TTC27: variants seen among roughly 807,000 people sequenced by gnomAD.
TTC27 encodes the protein tetratricopeptide repeat protein 27.
A neutral mutation model predicts 115.9 loss-of-function variants in TTC27; 79 were observed. The ratio of observed to expected loss-of-function variants is 0.68; its 90% CI spans 0.57 to 0.82. The LOEUF is 0.82. TTC27 is among the 40% of genes least tolerant of loss of function. TTC27 has a pLI of 0.00. For missense variants in TTC27, 1,054 were observed against 993.1 expected (o/e 1.06, Z -0.82); for synonymous variants, 401 against 356.0 (o/e 1.13, Z -1.42).
intron 8 of TTC27, among the ~76,000 whole-genome samples, chr2:32,677,935 C>A (rs1004212761): frequency 5.3e-5 from 8 of 152,090 alleles, no homozygotes; most frequent in Non-Finnish European, 2.9e-5. Flanking sequence ...TGCTGAGTGG[C>A]ACATATTGAA....
chr2:32,653,310 A>G (rs1361684089), intron 5 of TTC27, among the ~76,000 whole-genome samples: 2 of 152,124 alleles, frequency 1.3e-5, no homozygotes, highest in African/African-American at 2.4e-5. Flanking sequence ...GTGTTCAAAA[A>G]AACAGTCTCC....
At chr2:32,640,516 A>G (rs1664602698) in intron 4 of TTC27, 106 bp downstream of exon 4, 3 of 1,204,992 alleles carry the variant, frequency 2.5e-6, no homozygotes, top group Non-Finnish European at 3.5e-6. Flanking sequence ...TTTGTTTTCT[A>G]AGTCTTCTAG....
chr2:32,763,307 C>T (rs1284816890), intron 13 of TTC27, among the ~76,000 whole-genome samples: 4 of 152,112 alleles, frequency 2.6e-5, no homozygotes, highest in African/African-American at 7.2e-5. Context: ...GGAGGGAGAA[C>T]GCCTATATGC....
chr2:32,669,772 G>T (rs1417458119), intron 7 of TTC27, among the ~76,000 whole-genome samples: 1 of 151,148 alleles, frequency 6.6e-6, no homozygotes, highest in African/African-American at 2.4e-5. Flanking sequence ...TGTAATTCCA[G>T]CTACTTGGGA....
chr2:32,705,324 A>G (rs1383274855), intron 10 of TTC27, among the ~76,000 whole-genome samples: 1 of 152,190 alleles, frequency 6.6e-6, no homozygotes, highest in East Asian at 1.9e-4. Context: ...CCATGAGCCA[A>G]ATAAACATCT....
At chr2:32,672,245 T>C (rs777814849) in intron 7 of TTC27, 27 bp from the exon 8 acceptor site, 1 of 1,554,524 alleles carries the variant, frequency 6.4e-7, no homozygotes, top group Non-Finnish European at 8.8e-7. Context: ...ATTTTTGGTC[T>C]AAGTATTTTC....
At chr2:32,772,402 G>A (rs544461029) in intron 13 of TTC27, among the ~76,000 whole-genome samples, 8 of 152,190 alleles carry the variant, frequency 5.3e-5, no homozygotes, top group South Asian at 2.1e-4. Context: ...AATACCGGAC[G>A]ATCCCTGACT....
chr2:32,805,070 G>A (rs922472885), intron 16 of TTC27, among the ~76,000 whole-genome samples: 90 of 152,316 alleles, frequency 5.9e-4, no homozygotes, highest in African/African-American at 2.0e-3. Flanking sequence ...GCTGTGCTTT[G>A]TAAATTGATG....
At chr2:32,679,110 A>G (rs1666330333) in intron 9 of TTC27, among the ~76,000 whole-genome samples, 188 bp downstream of exon 9, 1 of 152,216 alleles carries the variant, frequency 6.6e-6, no homozygotes. Flanking sequence ...TGCAACTCTT[A>G]AATTGAGTGC....
rs759212784 is a variant in TTC27, at chr2:32,758,503, A to G, written c.1664A>G (p.Lys555Arg). 28 of 1,613,982 alleles carry G rather than the reference A, an allele frequency of 1.7e-5. No homozygotes were observed. The highest frequency in any genetic ancestry group is 4.2e-6 in the Non-Finnish European group (5 of 1,180,020). The part of the protein sequence containing the change: ...ECVECFERSV[K>R]INPMQLGVWF... ...GTAGAGTGCTTCGAACGCTCGGTTAAGATTAATCCCATGCAGGTTAGACAA... is the reference window on the plus strand; with the variant it reads ...GTAGAGTGCTTCGAACGCTCGGTTAGGATTAATCCCATGCAGGTTAGACAA... Residue 555 changes from lysine to arginine, a missense_variant, in exon 13 of 20, where the codon AAG becomes AGG. Transcript: ENST00000317907.
At chr2:32,768,693 G>A (rs1485166289) in intron 13 of TTC27, among the ~76,000 whole-genome samples, 2 of 152,176 alleles carry the variant, frequency 1.3e-5, no homozygotes, top group African/African-American at 4.8e-5. Flanking sequence ...TTTAAATAAG[G>A]AATGAATATC....
At chr2:32,749,690 C>T (rs760847836) in intron 12 of TTC27, among the ~76,000 whole-genome samples, 3 of 152,282 alleles carry the variant, frequency 2.0e-5, no homozygotes, top group Non-Finnish European at 4.4e-5. Flanking sequence ...GAATCAAGTT[C>T]CTGCTTTTTA....
chr2:32,638,112 A>T (rs1664497205), intron 3 of TTC27, among the ~76,000 whole-genome samples: 1 of 152,228 alleles, frequency 6.6e-6, no homozygotes, highest in South Asian at 2.1e-4. Context: ...TGATTTGGGA[A>T]TTGGAAACAT....
At chr2:32,688,219 T>G (rs1666698807) in intron 9 of TTC27, among the ~76,000 whole-genome samples, 1 of 152,150 alleles carries the variant, frequency 6.6e-6, no homozygotes. Flanking sequence ...ACAATTAAAC[T>G]GCATATTTTA....
At position 32,736,884 on chromosome 2, in the gene TTC27, T is replaced by G. The variant is rs557534608; in HGVS notation, c.1452+68T>G. ...TCTGGGAGCATCTTCTCACTTGTTTTGTTTTTCAAACCCACTTTTGCCAAT... is the reference window on the plus strand; with the variant it reads ...TCTGGGAGCATCTTCTCACTTGTTTGGTTTTTCAAACCCACTTTTGCCAAT... On this transcript the variant is annotated intron_variant, in intron 12 of 19. Transcript: ENST00000317907. 1.1e-5 allele frequency: 17 copies of G among 1,544,072 alleles called. No individual in the cohort carries two copies. The South Asian group carries it at 2.0e-4, about 18-fold the overall frequency.
At chr2:32,630,481 A>G (rs1664137839) in intron 1 of TTC27, 42 bp from the exon 2 acceptor site, 1 of 1,499,486 alleles carries the variant, frequency 6.7e-7, no homozygotes, top group African/African-American at 1.4e-5. Context: ...GGTATGAAAA[A>G]TAATTTTTTT....
Position 32,702,889 on chromosome 2 carries a change from G to A in TTC27, c.1202G>A (p.Arg401His), listed in dbSNP as rs537922931. ...LRTKLEKGSTRRVERAMRQTQ... is the reference protein window; with the variant it reads ...LRTKLEKGSTHRVERAMRQTQ... ...ACAAAACTTGAGAAAGGAAGTACTC[G>A]CCGAGTGGAACGGGCAATGAGGCAG... The change falls in exon 10 of 20, where the codon CGC (arginine) becomes CAC (histidine). Residue 401 changes from arginine to histidine, a missense_variant. Physicochemically the swap from Arg to His is conservative, Grantham distance 29. Coordinates refer to ENST00000317907, the MANE Select transcript of TTC27 (RefSeq NM_017735.5). 444 of 1,613,960 alleles carry A rather than the reference G, an allele frequency of 2.8e-4. 5 individuals are homozygous for A. In the South Asian group the frequency reaches 4.4e-3, roughly 16 times the overall value.
At chr2:32,755,402 G>A (rs1669195528) in intron 12 of TTC27, among the ~76,000 whole-genome samples, 1 of 152,196 alleles carries the variant, frequency 6.6e-6, no homozygotes, top group Non-Finnish European at 1.5e-5. Flanking sequence ...CCAACACAGC[G>A]AAACCCCGTC....
rs919111369 is a variant in TTC27 at position 32,668,029 on chromosome 2, C to CA, written c.939+1273dup. On this transcript the variant is annotated intron_variant, in intron 7 of 19. Transcript: ENST00000317907. ...TGAAACCCCGTCTCTATTAAAAATA[C>CA]AAAAAAAAAAAATTAACCGGGCGTG... Among the ~76,000 whole-genome samples the CA allele has an allele frequency of 2.0e-3, 282 of 141,440 alleles. 3 individuals carry two copies. The highest frequency in any genetic ancestry group is 4.9e-3 in the African/African-American group (190 of 38,812). 92.8% of individuals were successfully genotyped at this position (141,440 alleles called of 152,430 possible).
Sources: allele counts gnomAD v4.1 joint callset (sites outside exome capture counted in the v4.1 genomes callset), GRCh38; gene constraint gnomAD v4.1.1; transcripts MANE v1.5; gene names NCBI Gene and HGNC (gene_info 2026-07-23, HGNC 2026-07-21).